The following CHIC2 variants were observed in gnomAD, a reference collection of about 807,000 sequenced individuals.
CHIC2 encodes cysteine rich hydrophobic domain 2.
Under a neutral mutation model 25.9 loss-of-function variants are expected in CHIC2, and 14 were observed. The ratio of observed to expected loss-of-function variants is 0.54; its 90% CI spans 0.36 to 0.85. The LOEUF (loss-of-function observed/expected upper bound fraction) is 0.85, where lower values mean the gene tolerates loss of function less well. CHIC2 is among the 40% of genes least tolerant of loss of function. CHIC2 has a pLI of 0.01. For missense variants in CHIC2, 146 were observed against 202.0 expected (o/e 0.72, Z 1.68); for synonymous variants, 70 against 72.0 (o/e 0.97, Z 0.14).
chr4:54,018,106 T>C (rs1469840802), intron 3 of CHIC2, among the ~76,000 whole-genome samples: 1 of 152,028 alleles, frequency 6.6e-6, no homozygotes, highest in African/African-American at 2.4e-5. Context: ...AGGAAAAACA[T>C]GAAAACGGAA....
At chr4:54,013,019 G>A (rs901946043) in intron 5 of CHIC2, among the ~76,000 whole-genome samples, 4 of 152,052 alleles carry the variant, frequency 2.6e-5, no homozygotes, top group African/African-American at 9.7e-5. Context: ...CCTCAGAAAT[G>A]TTGTAACAGG....
chr4:54,046,411 A>C (rs1043104382), intron 3 of CHIC2, among the ~76,000 whole-genome samples: 125 of 152,250 alleles, frequency 8.2e-4, no homozygotes, highest in Non-Finnish European at 1.4e-3. Context: ...TACTACAAGG[A>C]TACAGTAACC....
intron 3 of CHIC2, among the ~76,000 whole-genome samples, chr4:54,023,580 T>C (rs1289669594): frequency 1.3e-5 from 2 of 152,128 alleles, no homozygotes; most frequent in African/African-American, 4.8e-5. Context: ...CATTTCCCCA[T>C]ATTTCCTTCT....
intron 3 of CHIC2, among the ~76,000 whole-genome samples, chr4:54,033,536 C>A (rs1254272654): frequency 6.6e-6 from 1 of 152,076 alleles, no homozygotes; most frequent in Non-Finnish European, 1.5e-5. Flanking sequence ...TTTATGGAGT[C>A]CAATTTGTCT....
chr4:54,053,480 C>T (rs914114041), intron 1 of CHIC2, among the ~76,000 whole-genome samples: 4 of 149,886 alleles, frequency 2.7e-5, no homozygotes, highest in Non-Finnish European at 4.4e-5. Flanking sequence ...TGCTGGAACC[C>T]GGAGGCGGAG....
intron 3 of CHIC2, among the ~76,000 whole-genome samples, chr4:54,030,329 G>A (rs1469485527): frequency 6.6e-6 from 1 of 151,900 alleles, no homozygotes; most frequent in Non-Finnish European, 1.5e-5. Flanking sequence ...ACCAGCTGGG[G>A]TAACCCAGAG....
Position 54,064,373 on chromosome 4 carries a change from C to A in CHIC2, c.-73G>T. 2 of 1,585,400 alleles carry A rather than the reference C, an allele frequency of 1.3e-6. No individual in the cohort carries two copies. Among genetic ancestry groups the A allele is most frequent in the South Asian group, 1.1e-5 (1 of 88,018 alleles). On this transcript the variant is annotated 5_prime_UTR_variant, in exon 1 of 6. Coordinates refer to ENST00000263921, the MANE Select transcript of CHIC2 (RefSeq NM_012110.4). The surrounding 1 kb of genome is among the most constrained non-coding windows in gnomAD (Gnocchi z 4.2). The stretch of plus-strand genomic sequence containing the variant: ...GGCGCCGGGGTACCGGCGGGCGAGG[C>A]GGCGGAGGCTGAGGGGAGTCGCCGC...
chr4:54,058,671 T>C (rs940948661), intron 1 of CHIC2, among the ~76,000 whole-genome samples: 1 of 152,032 alleles, frequency 6.6e-6, no homozygotes, highest in African/African-American at 2.4e-5. Context: ...CTTAATTTTA[T>C]TAATAAAATC....
At chr4:54,073,935 T>A in the CHIC2 span, among the ~76,000 whole-genome samples, 1 of 152,214 alleles carries the variant, frequency 6.6e-6, no homozygotes, top group East Asian at 1.9e-4. Context: ...GATGGGCAGA[T>A]CACAAGGTCA....
At chr4:54,052,126 T>TCTC (rs71200355) in intron 1 of CHIC2, among the ~76,000 whole-genome samples, 6 of 149,452 alleles carry the variant, frequency 4.0e-5, no homozygotes, top group Admixed American at 3.3e-4. Context: ...GCCAAAACCT[T>TCTC]TTTTTTTAAT....
chr4:54,049,188 A>C, intron 2 of CHIC2, 63 bp downstream of exon 2: 1 of 1,557,894 alleles, frequency 6.4e-7, no homozygotes, highest in Admixed American at 1.9e-5. Context: ...ACTTTTTTCT[A>C]ATTTTCTCAG....
At position 54,059,525 on chromosome 4, in the gene CHIC2, G is replaced by A. The variant is rs1717270437; in HGVS notation, c.119+4657C>T. 3.3e-5 allele frequency: 5 copies of A among 151,042 alleles called. No homozygotes were observed. The South Asian group carries it at 1.0e-3, about 32-fold the overall frequency. The allele number at this position is 151,042 out of a possible 1,614,324, so 9.4% of individuals were successfully genotyped here. A position where few individuals can be genotyped will look rare whatever the true frequency, so the allele number is the denominator to read the frequency against. ...CCCTGCCCACCAGCTTAGGTGACAG[G>A]GAAAGATTCTGTCTCTAAAAAAAGA... On this transcript the variant is annotated intron_variant, in intron 1 of 5. Transcript: ENST00000263921.
intron 5 of CHIC2, among the ~76,000 whole-genome samples, chr4:54,012,618 C>A (rs938638927): frequency 6.6e-6 from 1 of 151,956 alleles, no homozygotes; most frequent in Non-Finnish European, 1.5e-5. Context: ...CCATCCCTCT[C>A]CCCAAAATAT....
chr4:54,086,798 G>T, the CHIC2 span: 1 of 322,754 alleles, frequency 3.1e-6, no homozygotes, highest in East Asian at 7.3e-5. Flanking sequence ...TCTGATTACA[G>T]AATCTTGGAT....
chr4:54,032,863 C>T (rs1716277067), intron 3 of CHIC2, among the ~76,000 whole-genome samples: 1 of 152,096 alleles, frequency 6.6e-6, no homozygotes, highest in South Asian at 2.1e-4. Context: ...GTATGTGTCC[C>T]CTCTAAATCT....
chr4:54,017,823 A>G (rs951810459), intron 3 of CHIC2, among the ~76,000 whole-genome samples: 1 of 152,100 alleles, frequency 6.6e-6, no homozygotes, highest in Non-Finnish European at 1.5e-5. Flanking sequence ...CTTTAAAAAA[A>G]CAAAAACAAA....
At chr4:54,081,799 T>C in the CHIC2 span, among the ~76,000 whole-genome samples, 774 of 152,176 alleles carry the variant, frequency 5.1e-3, 3 homozygotes, top group Non-Finnish European at 8.8e-3. Context: ...TGGTCTTAAG[T>C]GAGCCTCCTG....
chr4:54,031,844 G>A (rs761772445), intron 3 of CHIC2, among the ~76,000 whole-genome samples: 46 of 151,822 alleles, frequency 3.0e-4, no homozygotes, highest in Non-Finnish European at 5.6e-4. Context: ...GGTCTTGAAC[G>A]CCTGGTCTCA....
chr4:54,077,064 C>T, the CHIC2 span, among the ~76,000 whole-genome samples: 1 of 152,138 alleles, frequency 6.6e-6, no homozygotes, highest in African/African-American at 2.4e-5. Context: ...TTATAGTACT[C>T]ATTCATAAAG....
Sources: allele counts gnomAD v4.1 joint callset (sites outside exome capture counted in the v4.1 genomes callset), GRCh38; gene constraint gnomAD v4.1.1; non-coding constraint Gnocchi (gnomAD v3.1); transcripts MANE v1.5; gene names NCBI Gene and HGNC (gene_info 2026-07-23, HGNC 2026-07-21).